ADAMTS7: variants seen among roughly 807,000 people sequenced by gnomAD.
ADAMTS7 encodes A disintegrin and metalloproteinase with thrombospondin motifs 7.
ADAMTS7 carries 89 observed loss-of-function variants against 172.6 expected under a neutral mutation model. That is an observed-to-expected ratio of 0.52 (90% CI 0.43 to 0.61). ADAMTS7 has a LOEUF of 0.61. Ranked by LOEUF, ADAMTS7 falls within the 20% of genes least tolerant of loss-of-function variation. The probability of loss-of-function intolerance (pLI) is 0.00; values close to 1 mark genes in which losing one functional copy is unlikely to be tolerated. For missense variants in ADAMTS7, 1,973 were observed against 2,355.6 expected (o/e 0.84, Z 3.36); for synonymous variants, 885 against 978.4 (o/e 0.90, Z 1.78).
In ADAMTS7 at chr15:78,766,956, G is replaced by C; in HGVS notation, c.2955C>G (p.Ser985Arg). The C allele has an allele frequency of 2.5e-6, 4 of 1,610,620 alleles. No individual in the cohort carries two copies. The highest frequency in any genetic ancestry group is 3.4e-6 in the Non-Finnish European group (4 of 1,179,352). ...AGAGTGGCAGAGAGCAGGTGACTTC[G>C]CTGGCTGGCTGCTGGGCCTCGTCAC... ...VPCDEAQQPA[S>R]EVTCSLPLCR... The change falls in exon 19 of 24, where the codon AGC (serine) becomes AGG (arginine). Residue 985 changes from serine (S) to arginine (R), a missense_variant. Ser to Arg is a moderately radical substitution (Grantham distance 110). This residue lies in a region of ADAMTS7 where 771 missense variants were observed against 952.6 expected (regional missense o/e 0.81). Transcript: ENST00000388820.
At chr15:78,780,713 C>T (rs1224444019) in intron 8 of ADAMTS7, among the ~76,000 whole-genome samples, 1 of 152,232 alleles carries the variant, frequency 6.6e-6, no homozygotes, top group East Asian at 1.9e-4. Context: ...TTCTGCCCCA[C>T]CCTATACTCG....
At chr15:78,764,328 G>C (rs2055103662) in intron 20 of ADAMTS7, among the ~76,000 whole-genome samples, 1 of 152,278 alleles carries the variant, frequency 6.6e-6, no homozygotes, top group East Asian at 1.9e-4. Flanking sequence ...AGGCAAGCTG[G>C]TGAAAGACAA....
intron 1 of ADAMTS7, among the ~76,000 whole-genome samples, chr15:78,807,571 A>AC: frequency 6.6e-6 from 1 of 152,374 alleles, no homozygotes; most frequent in East Asian, 1.9e-4. Context: ...TATCTGTGAG[A>AC]CCATGGGTAA....
intron 16 of ADAMTS7, among the ~76,000 whole-genome samples, chr15:78,768,496 T>C (rs1596176767): frequency 6.6e-6 from 1 of 152,032 alleles, no homozygotes; most frequent in East Asian, 1.9e-4. Flanking sequence ...GGTGGCAGAG[T>C]GTGGATGTTT....
At position 78,771,664 on chromosome 15, in the gene ADAMTS7, G is replaced by A. The variant is rs1288063511; in HGVS notation, c.2297C>T (p.Thr766Ile). ...GCCCCTGCGTGCGTATGTGAAGGTG[G>A]TCCCTGCCACCTGGTAGTCCCCGTT... is the stretch of plus-strand genomic sequence containing the variant. Reference protein sequence around the residue: ...QWNGDYQVAGTTFTYARRGNW... With the variant: ...QWNGDYQVAGITFTYARRGNW... Residue 766 changes from threonine to isoleucine, a missense_variant, in exon 15 of 24, where the codon ACC becomes ATC. By Grantham distance (89) the Thr-to-Ile change is moderately conservative. Transcript: ENST00000388820. This position sits in a 1 kb window ranked among gnomAD's most constrained non-coding sequence, Gnocchi z 4.9. The A allele has an allele frequency of 1.2e-6, 2 of 1,602,782 alleles. No homozygotes were observed. Among genetic ancestry groups the A allele is most frequent in the South Asian group, 2.2e-5 (2 of 91,000 alleles).
At position 78,759,287 on chromosome 15, in the gene ADAMTS7, G is replaced by A. The variant is rs1302824647; in HGVS notation, c.*134C>T. The A allele has an allele frequency of 4.5e-5, 34 of 749,054 alleles. No individual in the cohort carries two copies. The highest frequency in any genetic ancestry group is 1.4e-4 in the African/African-American group (8 of 55,290). The allele number at this position is 749,054 out of a possible 1,614,324, so 46.4% of individuals were successfully genotyped here. ...TAGAATAAAAAAATACCTTTTTTGA[G>A]GGGGAGGAGGTCCCCAGCCTGCTGC... On this transcript the variant is annotated 3_prime_UTR_variant, in exon 24 of 24. Transcript: ENST00000388820.
At chr15:78,761,673 C>A (rs2055045005) in intron 23 of ADAMTS7, among the ~76,000 whole-genome samples, 1 of 152,036 alleles carries the variant, frequency 6.6e-6, no homozygotes, top group African/African-American at 2.4e-5. Flanking sequence ...CACCCCATTT[C>A]CTGCCCTCAG....
chr15:78,774,619 C>T lies in ADAMTS7; in HGVS notation c.1876+5G>A. On this transcript the variant is annotated splice_donor_5th_base_variant and intron_variant, in intron 12 of 23. Coordinates refer to ENST00000388820, the MANE Select transcript of ADAMTS7 (RefSeq NM_014272.5). ...CTCAATGTCTCCATGGGGGGCAGCA[C>T]TCACCGTCATTGACCACGGGCACCC... 1.2e-6 allele frequency: 2 copies of T among 1,611,740 alleles called. No individual in the cohort carries two copies. Among genetic ancestry groups the T allele is most frequent in the Non-Finnish European group, 1.7e-6 (2 of 1,179,808 alleles).
intron 23 of ADAMTS7, among the ~76,000 whole-genome samples, chr15:78,760,294 T>C (rs1477500170): frequency 2.0e-5 from 3 of 152,186 alleles, no homozygotes; most frequent in Admixed American, 6.5e-5. Context: ...TTTTGGGAAG[T>C]GGCTTGTTTC....
In ADAMTS7 at chr15:78,764,077, C is replaced by A. The variant is rs2055097735; in HGVS notation, c.4442G>T (p.Gly1481Val). ...WSKCSRSCGG[G>V]SSVRDVQCVD... ...ACACTGCACGTCCCGCACTGAGGAA[C>A]CTCCGCCGCAGCTGCGGGAGCACTG... is the stretch of plus-strand genomic sequence containing the variant. The change falls in exon 21 of 24, where the codon GGT becomes GTT. Residue 1481 changes from glycine to valine, a missense_variant. Coordinates refer to ENST00000388820, the MANE Select transcript of ADAMTS7 (RefSeq NM_014272.5). The A allele has an allele frequency of 1.3e-6, 2 of 1,528,492 alleles. No individual in the cohort carries two copies. Among genetic ancestry groups the A allele is most frequent in the Non-Finnish European group, 1.8e-6 (2 of 1,134,586 alleles). The allele number at this position is 1,528,492 out of a possible 1,614,324, so 94.7% of individuals were successfully genotyped here.
intron 4 of ADAMTS7, among the ~76,000 whole-genome samples, chr15:78,794,974 C>T (rs182146597): frequency 3.7e-4 from 57 of 152,362 alleles, no homozygotes; most frequent in African/African-American, 1.3e-3. Flanking sequence ...ACCTTGGCCT[C>T]TCAAAGCGCT....
At chr15:78,783,780 C>G (rs981260906) in intron 8 of ADAMTS7, among the ~76,000 whole-genome samples, 1 of 152,024 alleles carries the variant, frequency 6.6e-6, no homozygotes. Flanking sequence ...CCAAATGCTC[C>G]AAAATCCAAA....
intron 16 of ADAMTS7, among the ~76,000 whole-genome samples, chr15:78,769,084 C>T (rs1249511319): frequency 6.6e-6 from 1 of 152,198 alleles, no homozygotes; most frequent in Non-Finnish European, 1.5e-5. Context: ...CACACCCTTC[C>T]CAATGGCTCA....
At chr15:78,807,324 A>G (rs2055810614) in intron 1 of ADAMTS7, among the ~76,000 whole-genome samples, 2 of 152,210 alleles carry the variant, frequency 1.3e-5, no homozygotes, top group Admixed American at 6.5e-5. Context: ...AAAAAAATAA[A>G]GTATCTCTGG....
At position 78,774,217 on chromosome 15, in the gene ADAMTS7, A is replaced by G; in HGVS notation, c.1960T>C (p.Cys654Arg). Residue 654 changes from cysteine (C) to arginine (R), a missense_variant, in exon 13 of 24, where the codon TGC becomes CGC. This residue lies in a region of ADAMTS7 where 526 missense variants were observed against 662.9 expected (regional missense o/e 0.79). Transcript: ENST00000388820. ...TCCCGGCTGGCTCGGACCTGGTAGCAGGGGGTGCCATCGACCACGGCGTCC... is the reference window on the plus strand; with the variant it reads ...TCCCGGCTGGCTCGGACCTGGTAGCGGGGGGTGCCATCGACCACGGCGTCC... ...LRDAVVDGTP[C>R]YQVRASRDLC... 1 of 1,589,518 alleles carries G rather than the reference A, an allele frequency of 6.3e-7. No individual in the cohort carries two copies. Among genetic ancestry groups the G allele is most frequent in the Non-Finnish European group, 8.5e-7 (1 of 1,176,700 alleles).
At chr15:78,795,997 T>C (rs1596197145) in intron 4 of ADAMTS7, among the ~76,000 whole-genome samples, 1 of 152,176 alleles carries the variant, frequency 6.6e-6, no homozygotes, top group African/African-American at 2.4e-5. Flanking sequence ...TCATCCATCA[T>C]GTGGGGTCAA....
chr15:78,811,158 G>A lies in ADAMTS7; in HGVS notation c.63C>T (p.Leu21=). 8.1e-7 allele frequency: 1 copy of A among 1,230,114 alleles called. No individual in the cohort carries two copies. Among genetic ancestry groups the A allele is most frequent in the Non-Finnish European group, 1.0e-6 (1 of 986,768 alleles). 76.2% of individuals were successfully genotyped at this position (1,230,114 alleles called of 1,614,324 possible). A position where few individuals can be genotyped will look rare whatever the true frequency, so the allele number is the denominator to read the frequency against. ...CGGGGGCGCCGGGAGCCAGAGCGCA[G>A]AGGAGCAGGAGGAGGGGGCGCAGCA... is the stretch of plus-strand genomic sequence containing the variant. The part of the protein sequence containing the change: ...APLLRPLLLL[L]CALAPGAPGP... The change falls in exon 1 of 24, where the codon CTC becomes CTT. Residue 21 remains leucine (L), a synonymous_variant. Coordinates refer to ENST00000388820, the MANE Select transcript of ADAMTS7 (RefSeq NM_014272.5).
intron 4 of ADAMTS7, among the ~76,000 whole-genome samples, chr15:78,793,079 C>T (rs182992459): frequency 6.6e-6 from 1 of 152,320 alleles, no homozygotes; most frequent in African/African-American, 2.4e-5. Context: ...TCGAGCTTAA[C>T]ACGTACAGTC....
At chr15:78,764,791 C>T (rs1232536370) in intron 19 of ADAMTS7, 84 bp from the exon 20 acceptor site, 20 of 1,376,140 alleles carry the variant, frequency 1.5e-5, no homozygotes, top group Admixed American at 3.2e-5. Context: ...CCTAGGCTAG[C>T]GAGACCTCAG....
Sources: allele counts gnomAD v4.1 joint callset (sites outside exome capture counted in the v4.1 genomes callset), GRCh38; gene constraint gnomAD v4.1.1; regional missense constraint gnomAD v4.1.1; non-coding constraint Gnocchi (gnomAD v3.1); transcripts MANE v1.5; gene names NCBI Gene and HGNC (gene_info 2026-07-23, HGNC 2026-07-21).